The following CTNNA1 variants were observed in gnomAD, a reference collection of about 807,000 sequenced individuals.
The protein encoded by CTNNA1 is catenin alpha 1.
In CTNNA1, 37 loss-of-function variants were observed where a neutral mutation model predicts 98.4. The ratio of observed to expected loss-of-function variants is 0.38; its 90% CI spans 0.29 to 0.49. The LOEUF is 0.49. Among genes scored for constraint, CTNNA1 ranks in the 20% least tolerant of loss-of-function variants. The probability of loss-of-function intolerance (pLI) is 0.95; values close to 1 mark genes in which losing one functional copy is unlikely to be tolerated. For synonymous variants in CTNNA1, 404 were observed against 413.2 expected, an observed-to-expected ratio of 0.98 and a Z score of 0.27; for missense variants, 761 against 1,147.2, an observed-to-expected ratio of 0.66 and a Z score of 4.86.
In CTNNA1 at chr5:138,887,603, T is replaced by C. The variant is rs2150032819; in HGVS notation, c.1257T>C (p.Tyr419=). The change falls in exon 9 of 18, where the codon TAT becomes TAC. Residue 419 remains tyrosine, a synonymous_variant. Coordinates refer to ENST00000302763, the MANE Select transcript of CTNNA1 (RefSeq NM_001903.5). ...GAAATGAGAAAGAAGTTAAGGAGTA[T>C]GCCCAAGTTTTCCGTGAACATGCCA... ...KNGNEKEVKE[Y]AQVFREHANK... is the part of the protein sequence containing the mutation. 5.0e-6 allele frequency: 8 copies of C among 1,611,792 alleles called. No homozygotes were observed. The South Asian group carries it at 8.8e-5, about 18-fold the overall frequency.
chr5:138,808,976 T>C (rs946956973), intron 3 of CTNNA1, among the ~76,000 whole-genome samples: 1 of 152,162 alleles, frequency 6.6e-6, no homozygotes, highest in African/African-American at 2.4e-5. Flanking sequence ...GGAAATGTTA[T>C]AAATTATTTT....
chr5:138,765,222 G>C (rs1014126795), intron 1 of CTNNA1, among the ~76,000 whole-genome samples: 1 of 151,996 alleles, frequency 6.6e-6, no homozygotes, highest in Non-Finnish European at 1.5e-5. Flanking sequence ...CATATTTTTA[G>C]TAGAGATGGG....
intron 9 of CTNNA1, among the ~76,000 whole-genome samples, chr5:138,900,710 C>G (rs1757847977): frequency 6.6e-6 from 1 of 152,170 alleles, no homozygotes; most frequent in African/African-American, 2.4e-5. Flanking sequence ...AAAAAGTTGT[C>G]TGTCATGTAC....
intron 9 of CTNNA1, among the ~76,000 whole-genome samples, chr5:138,902,459 G>A (rs551838791): frequency 1.7e-4 from 26 of 152,258 alleles, no homozygotes; most frequent in African/African-American, 3.9e-4. Flanking sequence ...TCGCTCTGTC[G>A]CCCAGGCTGG....
intron 9 of CTNNA1, among the ~76,000 whole-genome samples, chr5:138,898,380 A>T (rs1305399604): frequency 6.6e-6 from 1 of 152,168 alleles, no homozygotes; most frequent in African/African-American, 2.4e-5. Context: ...GGCCTAATAC[A>T]GCCTTCTTGT....
chr5:138,810,060 A>C lies in CTNNA1; in HGVS notation c.324A>C (p.Ala108=). The change falls in exon 4 of 18, where the codon GCA becomes GCC. Residue 108 remains alanine, a synonymous_variant. Transcript: ENST00000302763. The part of the protein sequence containing the change: ...RKQGDLMKAA[A]GEFADDPCSS... ...CAGGTGATTTGATGAAGGCTGCTGC[A>C]GGAGAGTTCGCAGATGATCCCTGCT... is the stretch of plus-strand genomic sequence containing the variant. 1 of 1,612,302 alleles carries C rather than the reference A, an allele frequency of 6.2e-7. No individual in the cohort carries two copies. The highest frequency in any genetic ancestry group is 8.5e-7 in the Non-Finnish European group (1 of 1,178,412).
At chr5:138,767,820 C>T (rs745462713) in intron 1 of CTNNA1, among the ~76,000 whole-genome samples, 2 of 152,166 alleles carry the variant, frequency 1.3e-5, no homozygotes, top group African/African-American at 2.4e-5. Flanking sequence ...ACATAACAGG[C>T]CCTGCATAAC....
At chr5:138,909,620 G>A (rs942055441) in intron 10 of CTNNA1, among the ~76,000 whole-genome samples, 2 of 152,134 alleles carry the variant, frequency 1.3e-5, no homozygotes, top group African/African-American at 4.8e-5. Flanking sequence ...ATTTCAGCCT[G>A]TGAGCCACTG....
At chr5:138,825,096 T>A (rs1760509071) in intron 6 of CTNNA1, among the ~76,000 whole-genome samples, 1 of 152,182 alleles carries the variant, frequency 6.6e-6, no homozygotes, top group Non-Finnish European at 1.5e-5. Flanking sequence ...AACCAAGATT[T>A]TGACCTTCTG....
At chr5:138,773,247 CAAAG>C (rs991803631) in intron 1 of CTNNA1, among the ~76,000 whole-genome samples, 18 of 152,194 alleles carry the variant, frequency 1.2e-4, no homozygotes, top group East Asian at 1.9e-4. Flanking sequence ...AATAAGTAAA[CAAAG>C]AAGACGATAC....
intron 7 of CTNNA1, among the ~76,000 whole-genome samples, chr5:138,837,738 C>T (rs1260190718): frequency 1.3e-5 from 2 of 151,698 alleles, no homozygotes; most frequent in Non-Finnish European, 2.9e-5. Flanking sequence ...TCTGCCATCT[C>T]AGCTTCCCCA....
At chr5:138,933,678 C>T in intron 17 of CTNNA1, 124 bp from the exon 18 acceptor site, 2 of 996,344 alleles carry the variant, frequency 2.0e-6, no homozygotes, top group South Asian at 3.4e-5. Flanking sequence ...GCCCAATCCT[C>T]TGCGACCTGC....
intron 2 of CTNNA1, chr5:138,782,372 C>G: frequency 2.2e-6 from 1 of 456,622 alleles, no homozygotes; most frequent in Non-Finnish European, 4.4e-6. Flanking sequence ...CTCTGCTTAA[C>G]ACACCTTTCA....
rs753897960 is a variant in CTNNA1 at position 138,827,547 on chromosome 5, C to T, written c.891C>T (p.Ser297=). ...TCATTGTGGACCCCTTGAGCTTCAG[C>T]GAGGAGCGCTTTAGGCCTTCCCTGG... The part of the protein sequence containing the change: ...KQIIVDPLSF[S]EERFRPSLEE... Residue 297 remains serine (S), a synonymous_variant, in exon 7 of 18, where the codon AGC becomes AGT. Coordinates refer to ENST00000302763, the MANE Select transcript of CTNNA1 (RefSeq NM_001903.5). 2.2e-5 allele frequency: 35 copies of T among 1,614,086 alleles called. No individual in the cohort carries two copies. The highest frequency in any genetic ancestry group is 2.6e-5 in the Non-Finnish European group (31 of 1,180,050).
In CTNNA1 at chr5:138,761,536, G is replaced by A. The variant is rs563255756; in HGVS notation, c.-3+8026G>A. On this transcript the variant is annotated intron_variant, in intron 1 of 17. Coordinates refer to ENST00000302763, the MANE Select transcript of CTNNA1 (RefSeq NM_001903.5). ...TTTAGCCACTCACCTGGCCCACACA[G>A]CTGTTTTTAGATTGGTATACGAGAG... 4.0e-4 allele frequency among the ~76,000 whole-genome samples: 61 copies of A among 152,262 alleles called. 1 individual carries two copies. Among genetic ancestry groups the A allele is most frequent in the East Asian group, 1.9e-4 (1 of 5,188 alleles).
At chr5:138,780,743 C>T (rs1300703566) in intron 1 of CTNNA1, among the ~76,000 whole-genome samples, 1 of 151,796 alleles carries the variant, frequency 6.6e-6, no homozygotes, top group Admixed American at 6.6e-5. Flanking sequence ...GTCGAACTCC[C>T]GACCTCAGGT....
chr5:138,783,737 G>GT (rs563267020), intron 3 of CTNNA1, among the ~76,000 whole-genome samples: 2 of 152,204 alleles, frequency 1.3e-5, no homozygotes, highest in Admixed American at 6.5e-5. Context: ...TGGGACCGAA[G>GT]TTTACTTTTC....
rs1766169916 is a variant in CTNNA1 at position 138,934,694 on chromosome 5, A to T, written c.*605A>T. Reference sequence around the variant, plus strand: ...TGTACGCTGCTGCAGGACATTAATAAAGTTGCTTTTTTAGGCTACAGTGTC... The same window carrying T: ...TGTACGCTGCTGCAGGACATTAATATAGTTGCTTTTTTAGGCTACAGTGTC... On this transcript the variant is annotated 3_prime_UTR_variant, in exon 18 of 18. Transcript: ENST00000302763. The T allele has an allele frequency of 6.5e-6, 1 of 152,754 alleles. No homozygotes were observed. The highest frequency in any genetic ancestry group is 6.5e-5 in the Admixed American group (1 of 15,278). 9.5% of individuals were successfully genotyped at this position (152,754 alleles called of 1,614,324 possible).
intron 7 of CTNNA1, among the ~76,000 whole-genome samples, chr5:138,885,714 T>C (rs1181329434): frequency 6.6e-6 from 1 of 152,170 alleles, no homozygotes; most frequent in South Asian, 2.1e-4. Context: ...ATAATAAACA[T>C]TATTAGCTCT....
Sources: allele counts gnomAD v4.1 joint callset (sites outside exome capture counted in the v4.1 genomes callset), GRCh38; gene constraint gnomAD v4.1.1; transcripts MANE v1.5; gene names NCBI Gene and HGNC (gene_info 2026-07-23, HGNC 2026-07-21).